The following LRRC37A2 variants were observed in gnomAD, a reference collection of about 807,000 sequenced individuals.
LRRC37A2 encodes leucine rich repeat containing 37 member A2.
A neutral mutation model predicts 68.8 loss-of-function variants in LRRC37A2; 9 were observed. The observed-to-expected ratio is 0.13, with a 90% CI of 0.08 to 0.23. The LOEUF is 0.23. Among genes scored for constraint, LRRC37A2 ranks in the 10% least tolerant of loss-of-function variants. The pLI is 1.00. For synonymous variants in LRRC37A2, 63 were observed against 367.6 expected, an observed-to-expected ratio of 0.17 and a Z score of 9.48; for missense variants, 168 against 950.4, an observed-to-expected ratio of 0.18 and a Z score of 10.82.
At chr17:46,894,807 C>T in the LRRC37A2 span, among the ~76,000 whole-genome samples, 5 of 152,212 alleles carry the variant, frequency 3.3e-5, no homozygotes, top group African/African-American at 1.2e-4. Flanking sequence ...CGATAATTAG[C>T]TCTTTTTCAA....
the LRRC37A2 span, chr17:46,929,400 A>T: frequency 1.4e-6 from 1 of 713,416 alleles, no homozygotes; most frequent in Non-Finnish European, 2.6e-6. Context: ...CAAATTTTAC[A>T]GTTCAGTGAT....
At chr17:46,789,506 T>C in the LRRC37A2 span, among the ~76,000 whole-genome samples, 3 of 152,182 alleles carry the variant, frequency 2.0e-5, no homozygotes, top group Non-Finnish European at 4.4e-5. Flanking sequence ...TGGTATGAGA[T>C]GATGCAGCAG....
At chr17:46,726,063 C>T in the LRRC37A2 span, among the ~76,000 whole-genome samples, 1 of 152,154 alleles carries the variant, frequency 6.6e-6, no homozygotes, top group Non-Finnish European at 1.5e-5. Flanking sequence ...TCATACTCAA[C>T]CTTTAATTCT....
the LRRC37A2 span, among the ~76,000 whole-genome samples, chr17:46,927,122 G>T: frequency 6.6e-6 from 1 of 152,088 alleles, no homozygotes; most frequent in Non-Finnish European, 1.5e-5. Flanking sequence ...TGATCTCATT[G>T]CTTTTCATTT....
the LRRC37A2 span, chr17:47,010,822 T>G: frequency 6.6e-6 from 1 of 152,332 alleles, no homozygotes; most frequent in African/African-American, 2.4e-5. Context: ...CTGTCTTCCT[T>G]GAGAAAACCC....
At chr17:46,850,574 T>G in the LRRC37A2 span, among the ~76,000 whole-genome samples, 1 of 152,194 alleles carries the variant, frequency 6.6e-6, no homozygotes, top group Non-Finnish European at 1.5e-5. Context: ...TTGACATTCA[T>G]TGCAAGTTAT....
the LRRC37A2 span, among the ~76,000 whole-genome samples, chr17:46,957,350 C>G: frequency 3.9e-5 from 6 of 152,148 alleles, no homozygotes; most frequent in African/African-American, 1.2e-4. Flanking sequence ...CTGTGGCTCA[C>G]GCCTGTATTC....
the LRRC37A2 span, among the ~76,000 whole-genome samples, chr17:46,863,610 T>C: frequency 6.6e-6 from 1 of 152,160 alleles, no homozygotes; most frequent in East Asian, 1.9e-4. Context: ...ATACTAGAGC[T>C]GTCTGGGACC....
chr17:46,791,329 G>A, the LRRC37A2 span, among the ~76,000 whole-genome samples: 8 of 151,776 alleles, frequency 5.3e-5, no homozygotes, highest in Non-Finnish European at 2.9e-5. Flanking sequence ...TTCTCCTCCT[G>A]AGTAACTGGG....
chr17:46,998,295 G>A, the LRRC37A2 span, among the ~76,000 whole-genome samples: 1 of 152,284 alleles, frequency 6.6e-6, no homozygotes, highest in East Asian at 1.9e-4. Context: ...ATCCCGGCTC[G>A]GCCGTGAGTG....
chr17:46,755,721 GAT>G, the LRRC37A2 span: 2 of 1,030,736 alleles, frequency 1.9e-6, no homozygotes, highest in Non-Finnish European at 1.4e-6. Context: ...AGCTTTTAGT[GAT>G]TTTTTTTTTT....
the LRRC37A2 span, among the ~76,000 whole-genome samples, chr17:46,874,518 G>A: frequency 2.0e-5 from 3 of 152,102 alleles, no homozygotes; most frequent in Non-Finnish European, 4.4e-5. Flanking sequence ...GCTGCCCTCT[G>A]GGAATCTGGG....
the LRRC37A2 span, among the ~76,000 whole-genome samples, chr17:46,999,642 G>A: frequency 6.6e-6 from 1 of 151,790 alleles, no homozygotes; most frequent in African/African-American, 2.4e-5. Flanking sequence ...GAGCCACCAT[G>A]CCAGGCCTGT....
At chr17:46,713,828 C>G in the LRRC37A2 span, 2 of 1,597,898 alleles carry the variant, frequency 1.3e-6, no homozygotes, top group Non-Finnish European at 1.7e-6. Context: ...CTTTTTTCCC[C>G]TGACTTGCTC....
chr17:46,852,458 A>G, the LRRC37A2 span, among the ~76,000 whole-genome samples: 1 of 139,392 alleles, frequency 7.2e-6, no homozygotes, highest in Non-Finnish European at 1.6e-5. Flanking sequence ...TTGGAAAAGG[A>G]GGATCACAGT....
At chr17:46,980,666 C>CAAAAAAAAAAAAAAA in the LRRC37A2 span, among the ~76,000 whole-genome samples, 4 of 83,884 alleles carry the variant, frequency 4.8e-5, no homozygotes, top group Non-Finnish European at 7.7e-5. Context: ...ACTAAAAATA[C>CAAAAAAAAAAAAAAA]AAAAAAAAAA....
At chr17:46,605,995 C>A in the LRRC37A2 span, among the ~76,000 whole-genome samples, 9 of 51,052 alleles carry the variant, frequency 1.8e-4, no homozygotes, top group Non-Finnish European at 2.0e-4. Flanking sequence ...ACTAAAAATA[C>A]AAAAAAAAAA....
the LRRC37A2 span, among the ~76,000 whole-genome samples, chr17:46,784,838 C>T: frequency 9.4e-5 from 14 of 149,232 alleles, no homozygotes; most frequent in East Asian, 2.0e-4. Context: ...TGCAGTGGCG[C>T]GATCTCGGGT....
the LRRC37A2 span, among the ~76,000 whole-genome samples, chr17:46,772,129 G>T: frequency 1.3e-5 from 2 of 152,158 alleles, no homozygotes; most frequent in African/African-American, 4.8e-5. Context: ...CCGGAGCTGG[G>T]CGCGAACCTG....
Sources: allele counts gnomAD v4.1 joint callset (sites outside exome capture counted in the v4.1 genomes callset), GRCh38; gene constraint gnomAD v4.1.1; transcripts MANE v1.5; gene names NCBI Gene and HGNC (gene_info 2026-07-23, HGNC 2026-07-21).